The following SRRM3 variants were observed in gnomAD, a reference collection of about 807,000 sequenced individuals.
The protein encoded by SRRM3 is serine/arginine repetitive matrix protein 3.
SRRM3 carries 27 observed loss-of-function variants against 66.2 expected under a neutral mutation model. The ratio of observed to expected loss-of-function variants is 0.41; its 90% confidence interval spans 0.30 to 0.56. The LOEUF is 0.56. Ranked by LOEUF, SRRM3 falls within the 20% of genes least tolerant of loss-of-function variation. SRRM3 has a pLI of 0.32. For missense variants in SRRM3, 918 were observed against 991.9 expected (o/e 0.93, Z 1.00); for synonymous variants, 391 against 414.9 (o/e 0.94, Z 0.70).
chr7:76,251,880 C>G (rs183708809), intron 3 of SRRM3, among the ~76,000 whole-genome samples: 1 of 151,904 alleles, frequency 6.6e-6, no homozygotes, highest in Non-Finnish European at 1.5e-5. Context: ...CTGGCCAACA[C>G]GGTGAAACCC....
intron 11 of SRRM3, among the ~76,000 whole-genome samples, chr7:76,277,415 C>T (rs2117103416): frequency 6.6e-6 from 1 of 152,146 alleles, no homozygotes; most frequent in African/African-American, 2.4e-5. Context: ...TGGCTCAGGC[C>T]AGGCGGGGTG....
chr7:76,213,650 G>A (rs1800490372), intron 1 of SRRM3, among the ~76,000 whole-genome samples: 1 of 152,106 alleles, frequency 6.6e-6, no homozygotes, highest in Admixed American at 6.6e-5. Flanking sequence ...GCTGAAGGAT[G>A]GGAATTCTCT....
At chr7:76,283,879 AT>A (rs1563644107) in intron 14 of SRRM3, 1 of 979,974 alleles carries the variant, frequency 1.0e-6, no homozygotes, top group African/African-American at 1.8e-5. Flanking sequence ...GAAGCCCTAG[AT>A]TACCCTGGCA....
chr7:76,221,144 G>A (rs1223906583), intron 1 of SRRM3, among the ~76,000 whole-genome samples: 5 of 148,210 alleles, frequency 3.4e-5, no homozygotes, highest in Admixed American at 1.4e-4. Flanking sequence ...CGCAACCTCC[G>A]CCTCCTGGGT....
chr7:76,203,902 G>A (rs1583857937), intron 1 of SRRM3, among the ~76,000 whole-genome samples: 1 of 152,120 alleles, frequency 6.6e-6, no homozygotes, highest in South Asian at 2.1e-4. Flanking sequence ...GTGGGTGAGG[G>A]CATACAGTGC....
chr7:76,235,971 A>C (rs1257689934), intron 2 of SRRM3, among the ~76,000 whole-genome samples: 1 of 131,124 alleles, frequency 7.6e-6, no homozygotes, highest in Non-Finnish European at 1.5e-5. Context: ...CGGCCACTGC[A>C]CTCCAGCCTG....
chr7:76,210,585 A>G (rs1257614906), intron 1 of SRRM3, among the ~76,000 whole-genome samples: 1 of 152,138 alleles, frequency 6.6e-6, no homozygotes, highest in Non-Finnish European at 1.5e-5. Flanking sequence ...TAAAGAGAGG[A>G]GAAGCAGGAG....
chr7:76,277,236 G>T (rs13221860), intron 11 of SRRM3, among the ~76,000 whole-genome samples: 100,084 of 151,868 alleles, frequency 0.66, 33,283 homozygotes, highest in Middle Eastern at 0.67. Flanking sequence ...CATGATGGGG[G>T]TGAACAGCCA....
chr7:76,282,590 G>T (rs1217516488), intron 12 of SRRM3, 58 bp from the exon 13 acceptor site: 1 of 94,764 alleles, frequency 1.1e-5, no homozygotes, highest in Non-Finnish European at 1.6e-5. Context: ...AACCCTCCCC[G>T]CCCCCAGCCC....
At chr7:76,216,209 C>T (rs1800567218) in intron 1 of SRRM3, among the ~76,000 whole-genome samples, 1 of 151,940 alleles carries the variant, frequency 6.6e-6, no homozygotes, top group Non-Finnish European at 1.5e-5. Flanking sequence ...CAGCCTCGAC[C>T]TCCCAAAGTG....
At chr7:76,227,651 C>G (rs141910556) in intron 1 of SRRM3, among the ~76,000 whole-genome samples, 498 of 152,318 alleles carry the variant, frequency 3.3e-3, no homozygotes, top group Non-Finnish European at 5.4e-3. Flanking sequence ...TGCTGTTTAC[C>G]TGTCAGTCTC....
intron 1 of SRRM3, among the ~76,000 whole-genome samples, chr7:76,218,231 G>T (rs1800616577): frequency 6.6e-6 from 1 of 152,166 alleles, no homozygotes; most frequent in South Asian, 2.1e-4. Flanking sequence ...GGCCAGCTTG[G>T]GAGGGTCCTC....
At chr7:76,220,725 G>GC (rs1412239562) in intron 1 of SRRM3, among the ~76,000 whole-genome samples, 5 of 152,216 alleles carry the variant, frequency 3.3e-5, no homozygotes, top group Admixed American at 1.3e-4. Context: ...GAGCTGCAGT[G>GC]CCCGCACCCT....
chr7:76,281,885 A>C, intron 12 of SRRM3, 83 bp downstream of exon 12: 1 of 961,886 alleles, frequency 1.0e-6, no homozygotes, highest in Non-Finnish European at 1.2e-6. Context: ...TGCCCACGGG[A>C]TCCCTCCCCG....
intron 11 of SRRM3, among the ~76,000 whole-genome samples, chr7:76,274,801 C>T (rs1344929464): frequency 6.6e-6 from 1 of 152,164 alleles, no homozygotes; most frequent in East Asian, 1.9e-4. Context: ...CACCTGGGAG[C>T]AGCTACAGAA....
chr7:76,277,337 G>C (rs1554611260), intron 11 of SRRM3, among the ~76,000 whole-genome samples: 1 of 152,184 alleles, frequency 6.6e-6, no homozygotes, highest in Non-Finnish European at 1.5e-5. Context: ...GTATCTGTGG[G>C]AAGGACCCAT....
chr7:76,283,175 C>G (rs1221169908), intron 14 of SRRM3, 74 bp downstream of exon 14: 33 of 1,330,850 alleles, frequency 2.5e-5, no homozygotes, highest in Non-Finnish European at 3.1e-5. Context: ...GAGACCTCGG[C>G]CCGGGGACCT....
rs199917871 is a variant in SRRM3, at chr7:76,275,105, C to CAA, written c.1009-6321_1009-6320dup. On this transcript the variant is annotated intron_variant, in intron 11 of 14. Coordinates refer to ENST00000611745, the MANE Select transcript of SRRM3 (RefSeq NM_001110199.3). ...TGGGTGACAGAACAAGACTCAGTCT[C>CAA]AAAAAAAAAAAAAAAAGAAAAAGAA... is the stretch of plus-strand genomic sequence containing the variant. Among the ~76,000 whole-genome samples the CAA allele has an allele frequency of 5.7e-4, 49 of 85,594 alleles. 1 individual carries two copies. The highest frequency in any genetic ancestry group is 4.2e-3 in the Admixed American group (34 of 8,026). 56.2% of individuals were successfully genotyped at this position (85,594 alleles called of 152,430 possible).
intron 1 of SRRM3, among the ~76,000 whole-genome samples, chr7:76,229,266 G>C (rs552451803): frequency 6.6e-6 from 1 of 152,202 alleles, no homozygotes; most frequent in African/African-American, 2.4e-5. Context: ...AGGACACTCA[G>C]TTAAATTTGA....
Sources: allele counts gnomAD v4.1 joint callset (sites outside exome capture counted in the v4.1 genomes callset), GRCh38; gene constraint gnomAD v4.1.1; transcripts MANE v1.5; gene names NCBI Gene and HGNC (gene_info 2026-07-23, HGNC 2026-07-21).